RNF43: variants seen among roughly 807,000 people sequenced by gnomAD.
The protein encoded by RNF43 is E3 ubiquitin-protein ligase RNF43.
A neutral mutation model predicts 78.4 loss-of-function variants in RNF43; 37 were observed. The ratio of observed to expected loss-of-function variants is 0.47; its 90% confidence interval spans 0.36 to 0.62. The LOEUF (loss-of-function observed/expected upper bound fraction) is 0.62, where lower values mean the gene tolerates loss of function less well. Ranked by LOEUF, RNF43 falls within the 20% of genes least tolerant of loss-of-function variation. RNF43 has a pLI of 0.00. For synonymous variants in RNF43, 347 were observed against 395.0 expected, an observed-to-expected ratio of 0.88 and a Z score of 1.44; for missense variants, 774 against 1,007.9, an observed-to-expected ratio of 0.77 and a Z score of 3.14.
chr17:58,356,553 C>T (rs1229770241), intron 9 of RNF43, among the ~76,000 whole-genome samples: 2 of 152,150 alleles, frequency 1.3e-5, no homozygotes, highest in Non-Finnish European at 2.9e-5. Flanking sequence ...TAAGGTCAGT[C>T]TTATTAATAA....
intron 2 of RNF43, among the ~76,000 whole-genome samples, chr17:58,381,906 T>C (rs564403996): frequency 2.3e-5 from 3 of 130,484 alleles, no homozygotes; most frequent in East Asian, 5.4e-4. Flanking sequence ...CTTGGTTCTA[T>C]AGAGAAAAAA....
At chr17:58,361,903 T>C (rs1972841283) in intron 6 of RNF43, among the ~76,000 whole-genome samples, 1 of 152,138 alleles carries the variant, frequency 6.6e-6, no homozygotes, top group Non-Finnish European at 1.5e-5. Flanking sequence ...AATGTGGCCT[T>C]CTCTGGACTT....
intron 2 of RNF43, chr17:58,395,018 T>C (rs1973646437): frequency 6.6e-6 from 1 of 152,236 alleles, no homozygotes; most frequent in South Asian, 2.1e-4. Context: ...CAGGCAAGTA[T>C]ATCGAGAGGA....
Position 58,358,045 on chromosome 17 carries a change from C to T in RNF43, c.1731G>A (p.Gln577=). The change falls in exon 9 of 10, where the codon CAG becomes CAA. Residue 577 remains glutamine, a synonymous_variant. Transcript: ENST00000407977. The surrounding 1 kb of genome is among the most constrained non-coding windows in gnomAD (Gnocchi z 6.2). ...GTGTCCGAGGAATAGGAGGCCTGGA[C>T]TGGGGGACTCCGGTTTCTGGGCCAG... ...RKPGPETGVP[Q]SRPPIPRTQP... 6.3e-7 allele frequency: 1 copy of T among 1,590,354 alleles called. No individual in the cohort carries two copies. The highest frequency in any genetic ancestry group is 2.2e-5 in the East Asian group (1 of 44,722).
intron 2 of RNF43, among the ~76,000 whole-genome samples, chr17:58,389,918 G>C (rs1304340817): frequency 6.6e-6 from 1 of 152,102 alleles, no homozygotes; most frequent in African/African-American, 2.4e-5. Context: ...TCTTCTAAAG[G>C]ACCTAATTTC....
chr17:58,403,304 C>T (rs1223391981), intron 2 of RNF43, among the ~76,000 whole-genome samples: 1 of 152,210 alleles, frequency 6.6e-6, no homozygotes, highest in Non-Finnish European at 1.5e-5. Context: ...TCTAGGCACT[C>T]ACATAATCCC....
rs1974052709 is a variant in RNF43 at position 58,412,942 on chromosome 17, TACA to T, written c.252+2381_252+2383del. Reference sequence around the variant, plus strand: ...GAGACAAATAATCTTAACAGGTAACTACAACAATTCATAGGTAGAAGGATTCAC... The same window carrying T: ...GAGACAAATAATCTTAACAGGTAACTACAATTCATAGGTAGAAGGATTCAC... On this transcript the variant is annotated intron_variant, in intron 2 of 9. Transcript: ENST00000407977. Among the ~76,000 whole-genome samples, 3 of 152,116 alleles carry T rather than the reference TACA, an allele frequency of 2.0e-5. No individual in the cohort carries two copies. The South Asian group carries it at 6.2e-4, about 32-fold the overall frequency.
At chr17:58,370,060 G>GTTTTTTTTT (rs56372311) in intron 3 of RNF43, among the ~76,000 whole-genome samples, 1 of 96,238 alleles carries the variant, frequency 1.0e-5, no homozygotes, top group African/African-American at 4.4e-5. Flanking sequence ...GAAAATCTGA[G>GTTTTTTTTT]TTTTTTTTTT....
downstream of RNF43, chr17:58,352,772 G>A: frequency 4.6e-6 from 1 of 216,944 alleles, no homozygotes; most frequent in Non-Finnish European, 9.3e-6. Context: ...TTAAAACTCC[G>A]TCTGTTTGCT....
At chr17:58,365,895 G>C (rs1012268514) in intron 3 of RNF43, among the ~76,000 whole-genome samples, 1 of 152,194 alleles carries the variant, frequency 6.6e-6, no homozygotes, top group African/African-American at 2.4e-5. Flanking sequence ...ACAGCCTCTA[G>C]CAACAGGAGC....
intron 3 of RNF43, among the ~76,000 whole-genome samples, chr17:58,366,467 A>G (rs953727455): frequency 3.3e-5 from 5 of 152,186 alleles, no homozygotes; most frequent in Admixed American, 6.5e-5. Context: ...TTCTGCTCCT[A>G]CTGGGCTGGC....
At chr17:58,371,255 G>C (rs1973090689) in intron 2 of RNF43, among the ~76,000 whole-genome samples, 1 of 152,220 alleles carries the variant, frequency 6.6e-6, no homozygotes, top group South Asian at 2.1e-4. Context: ...GCAGATAGGA[G>C]GGAGAGGGTG....
At chr17:58,396,890 T>C (rs1002014461) in intron 2 of RNF43, among the ~76,000 whole-genome samples, 6 of 152,218 alleles carry the variant, frequency 3.9e-5, no homozygotes, top group Admixed American at 3.3e-4. Flanking sequence ...ATGATGCTAA[T>C]TTCAAATAAT....
rs186500145 is a variant in RNF43 at position 58,384,194 on chromosome 17, C to G, written c.253-13161G>C. Among the ~76,000 whole-genome samples the G allele has an allele frequency of 3.3e-3, 509 of 152,318 alleles. 2 individuals carry two copies. Among genetic ancestry groups the G allele is most frequent in the African/African-American group, 0.012 (482 of 41,568 alleles). ...ATAGTAAGAGACACAAAAAGATAAT[C>G]AAAGGCTGATAAATGAGAGAGGAAT... On this transcript the variant is annotated intron_variant, in intron 2 of 9. Transcript: ENST00000407977.
At chr17:58,371,252 G>T (rs1453266192) in intron 2 of RNF43, among the ~76,000 whole-genome samples, 1 of 152,222 alleles carries the variant, frequency 6.6e-6, no homozygotes, top group African/African-American at 2.4e-5. Context: ...GAGGCAGATA[G>T]GAGGGAGAGG....
chr17:58,401,217 A>G lies in RNF43; in HGVS notation c.252+14109T>C, dbSNP rs924121209. Among the ~76,000 whole-genome samples, 47 of 152,250 alleles carry G rather than the reference A, an allele frequency of 3.1e-4. 1 individual carries two copies. The highest frequency in any genetic ancestry group is 8.8e-5 in the Non-Finnish European group (6 of 68,042). On this transcript the variant is annotated intron_variant, in intron 2 of 9. Transcript: ENST00000407977. Reference sequence around the variant, plus strand: ...TAATAGATCCTCATGAAAGTCTTGAAAACCAGGTAAACCAGAAAGTTACTT... The same window carrying G: ...TAATAGATCCTCATGAAAGTCTTGAGAACCAGGTAAACCAGAAAGTTACTT...
chr17:58,352,813 G>A, downstream of RNF43: 1 of 219,914 alleles, frequency 4.5e-6, no homozygotes, highest in Non-Finnish European at 9.1e-6. Context: ...ACTTTGCGCA[G>A]TTCTTAGCGC....
intron 2 of RNF43, among the ~76,000 whole-genome samples, chr17:58,387,878 C>T (rs1173750138): frequency 6.6e-6 from 1 of 152,134 alleles, no homozygotes; most frequent in East Asian, 1.9e-4. Flanking sequence ...TGACATCAGC[C>T]ACCATGGGGT....
chr17:58,356,904 T>G (rs951920199), intron 9 of RNF43: 3 of 209,608 alleles, frequency 1.4e-5, no homozygotes, highest in African/African-American at 4.8e-5. Context: ...TTTTTTTTTT[T>G]TTTTTTTGAG....
Sources: gnomAD v4.1 joint callset for allele counts (sites outside exome capture counted in the v4.1 genomes callset) on GRCh38, gnomAD v4.1.1 for gene constraint, Gnocchi (gnomAD v3.1) non-coding constraint, MANE v1.5 for transcripts, NCBI Gene and HGNC (gene_info 2026-07-23, HGNC 2026-07-21) for gene names.